FLNA: variants seen among roughly 807,000 people sequenced by gnomAD.
The protein encoded by FLNA is filamin-A.
A neutral mutation model predicts 157.6 loss-of-function variants in FLNA; 7 were observed. The ratio of observed to expected loss-of-function variants is 0.04; its 90% confidence interval spans 0.03 to 0.08. The LOEUF is 0.08. Ranked by LOEUF, FLNA falls within the 10% of genes least tolerant of loss-of-function variation. The pLI is 1.00. For missense variants in FLNA, 1,750 were observed against 2,398.4 expected, an observed-to-expected ratio of 0.73 and a Z score of 5.65; for synonymous variants, 1,103 against 1,060.8, an observed-to-expected ratio of 1.04 and a Z score of -0.77.
rs1557176152 is a variant in FLNA at position 154,353,148 on chromosome X, C to T, written c.6079G>A (p.Gly2027Ser). ...GEHLVHVKKN[G>S]QHVASSPIPV... is the part of the protein sequence containing the mutation. ...ATGGGGCTGCTGGCCACGTGCTGGC[C>T]ATTTTTCTTCACATGCACCAGGTGC... The change falls in exon 38 of 48, where the codon GGC becomes AGC. Residue 2027 changes from glycine to serine, a missense_variant. Transcript: ENST00000369850. 3.3e-6 allele frequency: 4 copies of T among 1,211,698 alleles called. No homozygotes were observed. The highest frequency in any genetic ancestry group is 4.5e-6 in the Non-Finnish European group (4 of 895,532).
chrX:154,358,871 A>G, intron 26 of FLNA, 113 bp downstream of exon 26: 2 of 903,673 alleles, frequency 2.2e-6, no homozygotes, highest in Middle Eastern at 3.9e-4. Context: ...ACACCTACAC[A>G]CTTGCACCAC....
intron 21 of FLNA, among the ~76,000 whole-genome samples, chrX:154,361,062 AAAAAAAAAAAAAAAAAAGAAAG>A (rs2067704314): frequency 1.1e-5 from 1 of 87,353 alleles, no homozygotes; most frequent in South Asian, 5.3e-4. Context: ...AAAAAAAAAA[AAAAAAAAAAAAAAAAAAGAAAG>A]AAAAAAAAAA....
rs782110572 is a variant in FLNA at position 154,359,394 on chromosome X, C to A, written c.4155G>T (p.Thr1385=). 11 of 1,210,374 alleles carry A rather than the reference C, an allele frequency of 9.1e-6. No homozygotes were observed. In the South Asian group the frequency reaches 1.2e-4, roughly 14 times the overall value. The change falls in exon 25 of 48, where the codon ACG becomes ACT. Residue 1385 remains threonine (T), a synonymous_variant. Coordinates refer to ENST00000369850, the MANE Select transcript of FLNA (RefSeq NM_001110556.2). ...KFTVETRGAG[T]GGLGLAVEGP... is the part of the protein sequence containing the mutation. ...CCTCTACAGCCAGGCCCAGGCCGCCCGTGCCAGCTCCCCTGGTCCAAACAG... is the reference window on the plus strand; with the variant it reads ...CCTCTACAGCCAGGCCCAGGCCGCCAGTGCCAGCTCCCCTGGTCCAAACAG...
rs782067102 is a variant in FLNA at position 154,359,830 on chromosome X, T to G, written c.3881A>C (p.Lys1294Thr). The G allele has an allele frequency of 6.6e-6, 8 of 1,209,035 alleles. No homozygotes were observed. The East Asian group carries it at 2.4e-4, about 36-fold the overall frequency. The change falls in exon 23 of 48, where the codon AAG becomes ACG. Residue 1294 changes from lysine (K) to threonine (T), a missense_variant. By Grantham distance (78) the Lys-to-Thr change is moderately conservative (BLOSUM62 -1). This residue lies in a region of FLNA where 970 missense variants were observed against 1,302.6 expected (regional missense o/e 0.74). Transcript: ENST00000369850. The part of the protein sequence containing the change: ...ALTQTGGPHV[K>T]ARVANPSGNL... The stretch of plus-strand genomic sequence containing the variant: ...GCCTGAGGGGTTGGCCACACGGGCC[T>G]TGACGTGCGGCCCTCCGGTCTGTGT...
rs782714612 is a variant in FLNA, at chrX:154,349,488, C to T, written c.7630G>A (p.Ala2544Thr). The T allele has an allele frequency of 8.3e-7, 1 of 1,211,407 alleles. No homozygotes were observed. Among genetic ancestry groups the T allele is most frequent in the Non-Finnish European group, 1.1e-6 (1 of 895,347 alleles). ...FVDSLTKATC[A>T]PQHGAPGPGP... ...GGACCCGGGGCCCCATGCTGGGGGG[C>T]ACAGGTGGCCTTGGTCAGAGAGTCT... Residue 2544 changes from alanine to threonine, a missense_variant, in exon 47 of 48, where the codon GCC becomes ACC. By Grantham distance (58) the Ala-to-Thr change is moderately conservative. Coordinates refer to ENST00000369850, the MANE Select transcript of FLNA (RefSeq NM_001110556.2).
chrX:154,368,380 G>A (rs1259597242), intron 2 of FLNA, among the ~76,000 whole-genome samples: 5 of 112,241 alleles, frequency 4.5e-5, no homozygotes, highest in Non-Finnish European at 9.4e-5. Flanking sequence ...GAAGGGCAGA[G>A]GGCAGACCCA....
chrX:154,359,174 G>A lies in FLNA; in HGVS notation c.4304-20C>T, dbSNP rs782202262. ...GACTGCCTGAGGGTTGGGGCAAAGG[G>A]ATGGCGGCTGTATGAGACAGGGTGG... On this transcript the variant is annotated intron_variant, in intron 25 of 47. Transcript: ENST00000369850. 5.0e-6 allele frequency: 6 copies of A among 1,209,889 alleles called. No individual in the cohort carries two copies. In the East Asian group the frequency reaches 1.5e-4, roughly 30 times the overall value.
chrX:154,361,453 T>C lies in FLNA; in HGVS notation c.3062A>G (p.Glu1021Gly). 1 of 1,210,211 alleles carries C rather than the reference T, an allele frequency of 8.3e-7. No homozygotes were observed. Among genetic ancestry groups the C allele is most frequent in the South Asian group, 1.8e-5 (1 of 56,943 alleles). The change falls in exon 21 of 48, where the codon GAG (glutamate) becomes GGG (glycine). Residue 1021 changes from glutamate (E) to glycine (G), a missense_variant. Around this residue, in one of 5 missense-constraint regions of FLNA, gnomAD observed 648 missense variants for 805.8 expected, o/e 0.80. Transcript: ENST00000369850. ...PSGAAVPCKV[E>G]PGLGADNSVV... ...ACTGTTGTCAGCCCCCAGGCCTGGC[T>C]CCACCTTGCAGGGCACCGCTGCACC...
rs782367104 is a variant in FLNA at position 154,357,635 on chromosome X, AG to A, written c.4756-13del. 47 of 1,204,897 alleles carry A rather than the reference AG, an allele frequency of 3.9e-5. No homozygotes were observed. In the South Asian group the frequency reaches 7.5e-4, roughly 19 times the overall value. ...TTGCCTTCGGGATCCTGTGTGGCAG[AG>A]GCAGGGGAGGCAGTTGGCCCAAGCC... On this transcript the variant is annotated splice_polypyrimidine_tract_variant and intron_variant, in intron 28 of 47. Coordinates refer to ENST00000369850, the MANE Select transcript of FLNA (RefSeq NM_001110556.2).
rs2067775494 is a variant in FLNA at position 154,367,947 on chromosome X, G to T, written c.517C>A (p.Leu173Met). ...GGCAGCTTGTTCTGGATCCAGCCCA[G>T]GAGCCTCTGCTTGGGGGTCTGCTTC... ...AKKQTPKQRL[L>M]GWIQNKLPQL... is the part of the protein sequence containing the mutation. Residue 173 changes from leucine to methionine, a missense_variant, in exon 3 of 48, where the codon CTG becomes ATG. This residue lies in a region of FLNA where 71 missense variants were observed against 239.5 expected (regional missense o/e 0.30). Coordinates refer to ENST00000369850, the MANE Select transcript of FLNA (RefSeq NM_001110556.2). 1 of 1,209,550 alleles carries T rather than the reference G, an allele frequency of 8.3e-7. No individual in the cohort carries two copies. Among genetic ancestry groups the T allele is most frequent in the African/African-American group, 1.8e-5 (1 of 57,134 alleles).
At chrX:154,351,342 A>G (rs1557175724) in intron 43 of FLNA, 7 of 437,259 alleles carry the variant, frequency 1.6e-5, no homozygotes, top group Non-Finnish European at 2.8e-5. Context: ...CTGGTGCTCA[A>G]GGGGCACAGG....
rs1557175461 is a variant in FLNA, at chrX:154,350,176, C to T, written c.7188G>A (p.Glu2396=). Residue 2396 remains glutamate (E), a synonymous_variant, in exon 45 of 48, where the codon GAG becomes GAA. Coordinates refer to ENST00000369850, the MANE Select transcript of FLNA (RefSeq NM_001110556.2). ...DKYAVRFIPR[E]NGVYLIDVKF... ...TGACGTCAATCAGGTAAACGCCATT[C>T]TCCCGAGGGATGAAGCGCACAGCAT... 3.3e-6 allele frequency: 4 copies of T among 1,210,681 alleles called. No individual in the cohort carries two copies. The South Asian group carries it at 7.0e-5, about 21-fold the overall frequency.
intron 1 of FLNA, among the ~76,000 whole-genome samples, chrX:154,373,165 G>A (rs1336523936): frequency 8.9e-6 from 1 of 112,406 alleles, no homozygotes; most frequent in Non-Finnish European, 1.9e-5. Context: ...TTCAAGACGG[G>A]CTTGAAGTTG....
At chrX:154,350,659 G>A (rs1305732436) in intron 44 of FLNA, 6 of 409,208 alleles carry the variant, frequency 1.5e-5, no homozygotes, top group African/African-American at 5.0e-5. Context: ...GCAGCACTGA[G>A]GCTGGACTTT....
In FLNA at chrX:154,365,245, C is replaced by A. The variant is rs143873938; in HGVS notation, c.1582G>T (p.Val528Leu). The change falls in exon 11 of 48, where the codon GTG becomes TTG. Residue 528 changes from valine to leucine, a missense_variant. Val to Leu is a conservative substitution (Grantham distance 32, BLOSUM62 1). Around this residue, in one of 5 missense-constraint regions of FLNA, gnomAD observed 648 missense variants for 805.8 expected, o/e 0.80. Transcript: ENST00000369850. ...TVKGPKGEERVKQKDLGDGVY... is the reference protein window; with the variant it reads ...TVKGPKGEERLKQKDLGDGVY... ...CCATCCCCCAGGTCCTTCTGCTTCA[C>A]GCGCTCCTCTCCCTCTGCCAAGACA... 8.3e-7 allele frequency: 1 copy of A among 1,210,617 alleles called. No individual in the cohort carries two copies. The highest frequency in any genetic ancestry group is 1.1e-6 in the Non-Finnish European group (1 of 895,273).
intron 40 of FLNA, 44 bp from the exon 41 acceptor site, chrX:154,352,491 ACC>A (rs1296479357): frequency 1.2e-5 from 15 of 1,209,330 alleles, no homozygotes; most frequent in East Asian, 5.9e-5. Context: ...CCTGGGCTCC[ACC>A]CCTCCTCTTG....
Position 154,368,023 on chromosome X carries a change from G to A in FLNA, c.441C>T (p.His147=), listed in dbSNP as rs781951563. The change falls in exon 3 of 48, where the codon CAC becomes CAT. Residue 147 remains histidine (H), a synonymous_variant. Transcript: ENST00000369850. ...CCCACATGGGCATGGAGATGGAGTA[G>A]TGCAGGATCAGGGTCCAGATGAGGC... ...ILGLIWTLIL[H]YSISMPMWDE... is the part of the protein sequence containing the mutation. 20 of 1,204,794 alleles carry A rather than the reference G, an allele frequency of 1.7e-5. No individual in the cohort carries two copies. The Admixed American group carries it at 4.2e-4, about 25-fold the overall frequency.
intron 5 of FLNA, among the ~76,000 whole-genome samples, chrX:154,367,075 G>A (rs1301614251): frequency 1.1e-4 from 12 of 111,965 alleles, no homozygotes; most frequent in African/African-American, 3.9e-4. Context: ...CACCGCACTG[G>A]GCCCTTGTTC....
chrX:154,351,714 G>T lies in FLNA; in HGVS notation c.6908-18C>A. 1 of 1,150,081 alleles carries T rather than the reference G, an allele frequency of 8.7e-7. No individual in the cohort carries two copies. The highest frequency in any genetic ancestry group is 1.8e-5 in the South Asian group (1 of 55,506). The allele number at this position is 1,150,081 out of a possible 1,213,427, so 94.8% of individuals were successfully genotyped here. A position where few individuals can be genotyped will look rare whatever the true frequency, so the allele number is the denominator to read the frequency against. Reference sequence around the variant, plus strand: ...GTAGTCACCTGGGCAGGGAAAGAGTGTAAGACCGGCTCATCAGCCTTTGGG... The same window carrying T: ...GTAGTCACCTGGGCAGGGAAAGAGTTTAAGACCGGCTCATCAGCCTTTGGG... On this transcript the variant is annotated intron_variant, in intron 42 of 47. Transcript: ENST00000369850.
Sources: allele counts gnomAD v4.1 joint callset (sites outside exome capture counted in the v4.1 genomes callset), GRCh38; gene constraint gnomAD v4.1.1; regional missense constraint gnomAD v4.1.1; transcripts MANE v1.5; gene names NCBI Gene and HGNC (gene_info 2026-07-23, HGNC 2026-07-21).